ZNF174: variants seen among roughly 807,000 people sequenced by gnomAD.
ZNF174 encodes the protein zinc finger protein 174, also known as AW-1.
In ZNF174, 30 loss-of-function variants were observed where a neutral mutation model predicts 38.7. The observed-to-expected ratio is 0.78, with a 90% CI of 0.58 to 1.05. The LOEUF (loss-of-function observed/expected upper bound fraction) is 1.05, where lower values mean the gene tolerates loss of function less well. Ranked by LOEUF, ZNF174 falls within the 50% of genes least tolerant of loss-of-function variation. ZNF174 has a pLI of 0.00. For synonymous variants in ZNF174, 201 were observed against 181.7 expected (o/e 1.11, Z -0.86); for missense variants, 499 against 495.6 (o/e 1.01, Z -0.06).
At chr16:3,402,520 G>A in intron 1 of ZNF174, 114 bp downstream of exon 1, 1 of 1,046,010 alleles carries the variant, frequency 9.6e-7, no homozygotes, top group Non-Finnish European at 1.3e-6. Flanking sequence ...GTGCAGTGGC[G>A]CTATCTCGGC....
At chr16:3,408,195 G>C (rs1190730122) in intron 2 of ZNF174, 126 bp from the exon 3 acceptor site, 20 of 887,746 alleles carry the variant, frequency 2.3e-5, no homozygotes, top group South Asian at 6.9e-5. Flanking sequence ...AAGTGCTCCA[G>C]ATGAGTCTAA....
At position 3,408,934 on chromosome 16, in the gene ZNF174, G is replaced by T. The variant is rs1567343280; in HGVS notation, c.*15G>T. On this transcript the variant is annotated 3_prime_UTR_variant, in exon 3 of 3. Transcript: ENST00000268655. ...ATGGGGACTAAAAGGAGCACTCCAT[G>T]CTTTAGATTCACACGGAAGGTGTTT... is the stretch of plus-strand genomic sequence containing the variant. 1 of 1,582,280 alleles carries T rather than the reference G, an allele frequency of 6.3e-7. No individual in the cohort carries two copies. The highest frequency in any genetic ancestry group is 8.6e-7 in the Non-Finnish European group (1 of 1,162,742).
rs561457690 is a variant in ZNF174 at position 3,402,950 on chromosome 16, C to T, written c.402+544C>T. On this transcript the variant is annotated intron_variant, in intron 1 of 2. Transcript: ENST00000268655. Reference sequence around the variant, plus strand: ...CAGAGGACCAAGGTTCTTACCATTCCTTTATGCACCTTGTGTCACCAGAAG... The same window carrying T: ...CAGAGGACCAAGGTTCTTACCATTCTTTTATGCACCTTGTGTCACCAGAAG... Among the ~76,000 whole-genome samples the T allele has an allele frequency of 5.3e-5, 8 of 152,112 alleles. No homozygotes were observed. In the South Asian group the frequency reaches 1.5e-3, roughly 28 times the overall value.
At position 3,402,322 on chromosome 16, in the gene ZNF174, C is replaced by G. The variant is rs565535134; in HGVS notation, c.318C>G (p.Val106=). Residue 106 remains valine (V), a synonymous_variant, in exon 1 of 3, where the codon GTC becomes GTG. Coordinates refer to ENST00000268655, the MANE Select transcript of ZNF174 (RefSeq NM_003450.3). The part of the protein sequence containing the change: ...TILPPEIQAR[V]RHRCPMSSKE... ...TGCCCCCGGAGATCCAGGCTCGGGT[C>G]AGGCATCGATGTCCAATGAGCAGCA... is the stretch of plus-strand genomic sequence containing the variant. 3.2e-5 allele frequency: 51 copies of G among 1,614,096 alleles called. 1 individual carries two copies. In the South Asian group the frequency reaches 5.5e-4, roughly 17 times the overall value.
chr16:3,408,289 C>G, intron 2 of ZNF174, 32 bp from the exon 3 acceptor site: 1 of 1,523,140 alleles, frequency 6.6e-7, no homozygotes. Flanking sequence ...CTTCCAAGTG[C>G]AGAAAATGAA....
chr16:3,406,716 G>A (rs1253871759), intron 2 of ZNF174, among the ~76,000 whole-genome samples: 2 of 152,004 alleles, frequency 1.3e-5, no homozygotes, highest in Non-Finnish European at 2.9e-5. Flanking sequence ...CTCTCATTTT[G>A]TGGGTTGTCT....
chr16:3,402,374 T>C lies in ZNF174; in HGVS notation c.370T>C (p.Phe124Leu). The change falls in exon 1 of 3, where the codon TTT becomes CTT. Residue 124 changes from phenylalanine (F) to leucine (L), a missense_variant. By Grantham distance (22) the Phe-to-Leu change is conservative (BLOSUM62 0). Coordinates refer to ENST00000268655, the MANE Select transcript of ZNF174 (RefSeq NM_003450.3). ...SKEIVTLVED[F>L]HRASKKPKQW... ...GGAGATTGTGACCCTCGTGGAAGATTTTCACAGAGCATCCAAGAAACCAAA... is the reference window on the plus strand; with the variant it reads ...GGAGATTGTGACCCTCGTGGAAGATCTTCACAGAGCATCCAAGAAACCAAA... 1 of 1,614,012 alleles carries C rather than the reference T, an allele frequency of 6.2e-7. No individual in the cohort carries two copies. The highest frequency in any genetic ancestry group is 1.1e-5 in the South Asian group (1 of 91,064).
intron 1 of ZNF174, 147 bp from the exon 2 acceptor site, chr16:3,404,279 C>CT (rs2034017621): frequency 5.2e-6 from 4 of 775,754 alleles, no homozygotes; most frequent in Non-Finnish European, 8.3e-6. Context: ...CCTTTACTTC[C>CT]TTTGAGGGTT....
At position 3,402,246 on chromosome 16, in the gene ZNF174, C is replaced by T; in HGVS notation, c.242C>T (p.Thr81Ile). Residue 81 changes from threonine to isoleucine, a missense_variant, in exon 1 of 3, where the codon ACC (threonine) becomes ATC (isoleucine). Physicochemically the swap from Thr to Ile is moderately conservative, Grantham distance 89. Transcript: ENST00000268655. ...CRQWLQPELH[T>I]KEQILELLVM... ...CAGTGGTTGCAACCCGAGCTGCACA[C>T]CAAGGAGCAGATTTTGGAGCTTCTG... 6.2e-7 allele frequency: 1 copy of T among 1,614,120 alleles called. No homozygotes were observed. Among genetic ancestry groups the T allele is most frequent in the East Asian group, 2.2e-5 (1 of 44,870 alleles).
At chr16:3,402,453 CT>C (rs56903674) in intron 1 of ZNF174, 47 bp downstream of exon 1, 7,510 of 1,294,350 alleles carry the variant, frequency 5.8e-3, no homozygotes, top group African/African-American at 8.9e-3. Flanking sequence ...TTTTTCTTTT[CT>C]TTTTTTTTTT....
rs2033893722 is a variant in ZNF174, at chr16:3,401,428, G to C, written c.-577G>C. ...CTGGCTGGGCCGCGGGGCCGCCCTG[G>C]AGGCCGGAGCCACTGGGCCTGCGGC... On this transcript the variant is annotated 5_prime_UTR_variant, in exon 1 of 3. Transcript: ENST00000268655. 2 of 152,716 alleles carry C rather than the reference G, an allele frequency of 1.3e-5. No homozygotes were observed. The highest frequency in any genetic ancestry group is 4.8e-5 in the African/African-American group (2 of 41,472). 9.5% of individuals were successfully genotyped at this position (152,716 alleles called of 1,614,324 possible).
At chr16:3,402,862 G>A (rs974271227) in intron 1 of ZNF174, among the ~76,000 whole-genome samples, 1 of 152,134 alleles carries the variant, frequency 6.6e-6, no homozygotes, top group Non-Finnish European at 1.5e-5. Context: ...CTCTATCTGG[G>A]AACCTATCCT....
rs371298854 is a variant in ZNF174, at chr16:3,404,898, G to C, written c.625+250G>C. ...ATGACAGGGTTGTACCTACTTTTCTGTCCGTTTCAGAACTTCTTATAGAAA... is the reference window on the plus strand; with the variant it reads ...ATGACAGGGTTGTACCTACTTTTCTCTCCGTTTCAGAACTTCTTATAGAAA... On this transcript the variant is annotated intron_variant, in intron 2 of 2. Transcript: ENST00000268655. The C allele has an allele frequency of 4.7e-5, 76 of 1,613,060 alleles. No individual in the cohort carries two copies. The African/African-American group carries it at 8.8e-4, about 19-fold the overall frequency.
chr16:3,406,912 T>C (rs183435841), intron 2 of ZNF174, among the ~76,000 whole-genome samples: 28 of 152,350 alleles, frequency 1.8e-4, no homozygotes, highest in African/African-American at 6.7e-4. Context: ...TTTCAGCTAT[T>C]TGGTCCATTT....
At chr16:3,403,547 C>T (rs975439411) in intron 1 of ZNF174, among the ~76,000 whole-genome samples, 2 of 148,940 alleles carry the variant, frequency 1.3e-5, no homozygotes, top group Admixed American at 1.4e-4. Context: ...AGGGCAGTGG[C>T]ACGATCTCAG....
chr16:3,404,882 T>C lies in ZNF174; in HGVS notation c.625+234T>C, dbSNP rs1488949552. The C allele has an allele frequency of 2.5e-6, 4 of 1,611,680 alleles. No homozygotes were observed. The African/African-American group carries it at 4.0e-5, about 16-fold the overall frequency. ...TTTAAGAATCCAGTGCATGACAGGG[T>C]TGTACCTACTTTTCTGTCCGTTTCA... On this transcript the variant is annotated intron_variant, in intron 2 of 2. Transcript: ENST00000268655.
Position 3,401,851 on chromosome 16 carries a change from G to C in ZNF174, c.-154G>C. On this transcript the variant is annotated 5_prime_UTR_variant, in exon 1 of 3. Transcript: ENST00000268655. ...TCTTGAGTTTGGCTAGTAAAGGCTA[G>C]CAAGTGAGGCTTTGTCTCTGCATCC... is the stretch of plus-strand genomic sequence containing the variant. The C allele has an allele frequency of 1.1e-6, 1 of 928,758 alleles. No homozygotes were observed. Among genetic ancestry groups the C allele is most frequent in the Non-Finnish European group, 1.6e-6 (1 of 624,092 alleles). The allele number at this position is 928,758 out of a possible 1,614,324, so 57.5% of individuals were successfully genotyped here. A position where few individuals can be genotyped will look rare whatever the true frequency, so the allele number is the denominator to read the frequency against.
In ZNF174 at chr16:3,404,579, C is replaced by A; in HGVS notation, c.556C>A (p.Arg186=). The part of the protein sequence containing the change: ...AEPSQAGAYD[R]LSPHHWEKSP... Reference sequence around the variant, plus strand: ...GCCTTCCCAGGCAGGAGCTTATGACCGGCTGAGCCCCCATCATTGGGAGAA... The same window carrying A: ...GCCTTCCCAGGCAGGAGCTTATGACAGGCTGAGCCCCCATCATTGGGAGAA... The change falls in exon 2 of 3, where the codon CGG becomes AGG. Residue 186 remains arginine, a synonymous_variant. Transcript: ENST00000268655. 1.2e-6 allele frequency: 2 copies of A among 1,614,174 alleles called. No homozygotes were observed. Among genetic ancestry groups the A allele is most frequent in the Non-Finnish European group, 1.7e-6 (2 of 1,180,036 alleles).
chr16:3,405,167 G>C (rs1299262906), intron 2 of ZNF174: 18 of 1,218,398 alleles, frequency 1.5e-5, no homozygotes, highest in Non-Finnish European at 1.9e-5. Flanking sequence ...CTCTAAGCCT[G>C]AATGACAGTG....
Sources: allele counts gnomAD v4.1 joint callset (sites outside exome capture counted in the v4.1 genomes callset), GRCh38; gene constraint gnomAD v4.1.1; transcripts MANE v1.5; gene names NCBI Gene and HGNC (gene_info 2026-07-23, HGNC 2026-07-21).